The following RAMP1 variants were observed in gnomAD, a reference collection of about 807,000 sequenced individuals.
The protein encoded by RAMP1 is receptor activity modifying protein 1, also known as receptor activity-modifying protein 1.
RAMP1 carries 7 observed loss-of-function variants against 8.2 expected under a neutral mutation model. The observed-to-expected ratio is 0.85, with a 90% confidence interval of 0.49 to 1.60. RAMP1 has a LOEUF of 1.60. Among genes scored for constraint, RAMP1 ranks in the 40% most tolerant of loss-of-function variants. The pLI is 0.00. For missense variants in RAMP1, 192 were observed against 202.4 expected (o/e 0.95, Z 0.31); for synonymous variants, 92 against 84.7 (o/e 1.09, Z -0.47).
At chr2:237,896,029 C>T (rs1324023501) in intron 2 of RAMP1, among the ~76,000 whole-genome samples, 2 of 152,300 alleles carry the variant, frequency 1.3e-5, no homozygotes, top group African/African-American at 4.8e-5. Flanking sequence ...AGTGAGCCCT[C>T]AGCACCCGGC....
intron 1 of RAMP1, among the ~76,000 whole-genome samples, chr2:237,870,856 G>A (rs1443544536): frequency 2.6e-5 from 4 of 152,182 alleles, no homozygotes; most frequent in Non-Finnish European, 2.9e-5. Flanking sequence ...TGAGCAACAC[G>A]GATGCAAGAG....
intron 2 of RAMP1, among the ~76,000 whole-genome samples, chr2:237,906,005 T>C (rs1484626178): frequency 8.3e-6 from 1 of 120,350 alleles, no homozygotes. Flanking sequence ...AGCAAGACTC[T>C]GTCTCAAAAA....
Position 237,877,507 on chromosome 2 carries a change from A to G in RAMP1, c.191+145A>G, listed in dbSNP as rs2062321136. ...CCCCCAGTGGGGGGGGCCGGGATGA[A>G]GACAGAGGAGGGAGCCAGTAGCAGG... On this transcript the variant is annotated intron_variant, in intron 2 of 2. Transcript: ENST00000254661. This position sits in a 1 kb window ranked among gnomAD's most constrained non-coding sequence, Gnocchi z 4.4. 3 of 1,150,090 alleles carry G rather than the reference A, an allele frequency of 2.6e-6. No individual in the cohort carries two copies. In the East Asian group the frequency reaches 7.7e-5, roughly 30 times the overall value. The allele number at this position is 1,150,090 out of a possible 1,614,324, so 71.2% of individuals were successfully genotyped here. A position where few individuals can be genotyped will look rare whatever the true frequency, so the allele number is the denominator to read the frequency against.
At chr2:237,898,331 G>A (rs1030668941) in intron 2 of RAMP1, among the ~76,000 whole-genome samples, 1 of 152,186 alleles carries the variant, frequency 6.6e-6, no homozygotes, top group Admixed American at 6.5e-5. Flanking sequence ...AGGCATCCCT[G>A]GGCTGGCACA....
chr2:237,909,160 A>T (rs1220935278), intron 2 of RAMP1, among the ~76,000 whole-genome samples: 1 of 152,122 alleles, frequency 6.6e-6, no homozygotes, highest in Non-Finnish European at 1.5e-5. Context: ...TTGGACCCAG[A>T]CAAGGAAGTG....
At position 237,878,370 on chromosome 2, in the gene RAMP1, G is replaced by A. The variant is rs1173741767; in HGVS notation, c.191+1008G>A. On this transcript the variant is annotated intron_variant, in intron 2 of 2. Coordinates refer to ENST00000254661, the MANE Select transcript of RAMP1 (RefSeq NM_005855.4). This position sits in a 1 kb window ranked among gnomAD's most constrained non-coding sequence, Gnocchi z 5.7. ...AAGGTCACACACGAAGAGTACCTGT[G>A]GCTGTGGTGTCCCCTGAGGGTCCAG... is the stretch of plus-strand genomic sequence containing the variant. Among the ~76,000 whole-genome samples the A allele has an allele frequency of 3.3e-5, 5 of 152,368 alleles. No homozygotes were observed. The East Asian group carries it at 7.7e-4, about 23-fold the overall frequency.
chr2:237,885,042 G>A (rs575783579), intron 2 of RAMP1, among the ~76,000 whole-genome samples: 3 of 152,362 alleles, frequency 2.0e-5, no homozygotes, highest in East Asian at 3.9e-4. Flanking sequence ...TCCACACGAC[G>A]TTGGGCAGGG....
intron 1 of RAMP1, among the ~76,000 whole-genome samples, chr2:237,873,631 C>T (rs1466034045): frequency 2.6e-5 from 4 of 152,282 alleles, no homozygotes; most frequent in South Asian, 2.1e-4. Context: ...GAGTGAGGAG[C>T]GCAGCCGTCT....
intron 1 of RAMP1, among the ~76,000 whole-genome samples, chr2:237,870,949 G>A (rs1163979471): frequency 6.6e-6 from 1 of 152,210 alleles, no homozygotes; most frequent in Non-Finnish European, 1.5e-5. Flanking sequence ...CCCGAGAGAG[G>A]GGACAGTGGG....
intron 2 of RAMP1, among the ~76,000 whole-genome samples, chr2:237,906,406 G>A (rs948140645): frequency 4.6e-5 from 7 of 152,136 alleles, no homozygotes; most frequent in Admixed American, 1.3e-4. Context: ...CGATAGGGGC[G>A]GGGGTAGAGG....
chr2:237,909,412 TATC>T (rs1166280107), intron 2 of RAMP1, among the ~76,000 whole-genome samples: 1 of 152,056 alleles, frequency 6.6e-6, no homozygotes, highest in Non-Finnish European at 1.5e-5. Context: ...TTGCAGCAGT[TATC>T]ATGGAATGGT....
chr2:237,860,717 T>C (rs1356732835), intron 1 of RAMP1, among the ~76,000 whole-genome samples: 2 of 152,156 alleles, frequency 1.3e-5, no homozygotes, highest in Non-Finnish European at 2.9e-5. Context: ...GTGATGTTGG[T>C]CAGAGGCACC....
rs539692296 is a variant in RAMP1, at chr2:237,865,275, G to A, written c.52+5548G>A. ...GGGCAGGGGAGAAGAGAGGAGAGGA[G>A]GGGAGGGGAGAGCAGGGGAGAGGAG... On this transcript the variant is annotated intron_variant, in intron 1 of 2. Transcript: ENST00000254661. This position sits in a 1 kb window ranked among gnomAD's most constrained non-coding sequence, Gnocchi z 4.2. Among the ~76,000 whole-genome samples, 20 of 144,408 alleles carry A rather than the reference G, an allele frequency of 1.4e-4. No homozygotes were observed. The East Asian group carries it at 2.3e-3, about 17-fold the overall frequency. The allele number at this position is 144,408 out of a possible 152,430, so 94.7% of individuals were successfully genotyped here.
At chr2:237,904,202 G>A (rs895394032) in intron 2 of RAMP1, among the ~76,000 whole-genome samples, 9 of 151,180 alleles carry the variant, frequency 6.0e-5, no homozygotes, top group Middle Eastern at 3.5e-3. Flanking sequence ...TCACGAGGTC[G>A]GGAGATCAAG....
At position 237,878,216 on chromosome 2, in the gene RAMP1, C is replaced by A. The variant is rs1210845165; in HGVS notation, c.191+854C>A. ...TGTGGGTTCACAGCGCAGCGCAAGT[C>A]CTGGTGCCCCACCGATGACAAGCGC... On this transcript the variant is annotated intron_variant, in intron 2 of 2. Coordinates refer to ENST00000254661, the MANE Select transcript of RAMP1 (RefSeq NM_005855.4). This position sits in a 1 kb window ranked among gnomAD's most constrained non-coding sequence, Gnocchi z 5.7. 1 of 970,476 alleles carries A rather than the reference C, an allele frequency of 1.0e-6. No homozygotes were observed. The highest frequency in any genetic ancestry group is 1.8e-5 in the African/African-American group (1 of 56,896). The allele number at this position is 970,476 out of a possible 1,614,324, so 60.1% of individuals were successfully genotyped here.
At chr2:237,908,956 C>G (rs1430596009) in intron 2 of RAMP1, among the ~76,000 whole-genome samples, 1 of 152,136 alleles carries the variant, frequency 6.6e-6, no homozygotes, top group Non-Finnish European at 1.5e-5. Context: ...GAGCCTGTTC[C>G]TACCCTGGCT....
At chr2:237,879,364 G>T (rs1327151863) in intron 2 of RAMP1, among the ~76,000 whole-genome samples, 6 of 151,962 alleles carry the variant, frequency 3.9e-5, no homozygotes, top group Admixed American at 2.0e-4. Flanking sequence ...ATGGCTTCCT[G>T]CAGTGCCAGA....
At chr2:237,872,848 C>G (rs1028805737) in intron 1 of RAMP1, among the ~76,000 whole-genome samples, 1 of 152,178 alleles carries the variant, frequency 6.6e-6, no homozygotes, top group Non-Finnish European at 1.5e-5. Flanking sequence ...GGGGAAACCC[C>G]ATCTCTACAA....
intron 2 of RAMP1, among the ~76,000 whole-genome samples, chr2:237,892,657 T>A (rs1326389606): frequency 6.6e-6 from 1 of 152,178 alleles, no homozygotes; most frequent in African/African-American, 2.4e-5. Context: ...ATCTTGTACT[T>A]ATTATCTTAC....
Sources: allele counts gnomAD v4.1 joint callset (sites outside exome capture counted in the v4.1 genomes callset), GRCh38; gene constraint gnomAD v4.1.1; non-coding constraint Gnocchi (gnomAD v3.1); transcripts MANE v1.5; gene names NCBI Gene and HGNC (gene_info 2026-07-23, HGNC 2026-07-21).